The following BACH1 variants were observed in gnomAD, a reference collection of about 807,000 sequenced individuals.
BACH1 encodes BTB domain and CNC homolog 1.
Under a neutral mutation model 52.9 loss-of-function variants are expected in BACH1, and 35 were observed. The observed-to-expected ratio is 0.66, with a 90% confidence interval of 0.51 to 0.88. The LOEUF (loss-of-function observed/expected upper bound fraction) is 0.88, where lower values mean the gene tolerates loss of function less well. BACH1 is among the 40% of genes least tolerant of loss of function. The pLI, the probability that BACH1 is intolerant of heterozygous loss-of-function variation, is 0.00. For missense variants in BACH1, 808 were observed against 872.6 expected (o/e 0.93, Z 0.93); for synonymous variants, 321 against 319.6 (o/e 1.00, Z -0.05).
chr21:29,314,712 C>T (rs2088766619), intron 1 of BACH1, among the ~76,000 whole-genome samples: 1 of 152,142 alleles, frequency 6.6e-6, no homozygotes, highest in South Asian at 2.1e-4. Flanking sequence ...GTAAGCTCCT[C>T]TGCTACTTAC....
chr21:29,317,049 TCCA>T (rs1331971766), intron 1 of BACH1, among the ~76,000 whole-genome samples: 2 of 152,224 alleles, frequency 1.3e-5, no homozygotes, highest in South Asian at 2.1e-4. Context: ...CTGCTTGAGC[TCCA>T]CCTCCTGTCA....
In BACH1 at chr21:29,326,988, T is replaced by C; in HGVS notation, c.1164T>C (p.Ser388=). Residue 388 remains serine (S), a synonymous_variant, in exon 3 of 5, where the codon AGT becomes AGC. Transcript: ENST00000286800. Reference sequence around the variant, plus strand: ...GTGTTGCATCTAGTGATAGGAGTAGTGTGGAGCGAGAAGTGGCAGAACACC... The same window carrying C: ...GTGTTGCATCTAGTGATAGGAGTAGCGTGGAGCGAGAAGTGGCAGAACACC... ...DSSVASSDRS[S]VEREVAEHLA... 1 of 1,614,142 alleles carries C rather than the reference T, an allele frequency of 6.2e-7. No individual in the cohort carries two copies. The highest frequency in any genetic ancestry group is 8.5e-7 in the Non-Finnish European group (1 of 1,180,030).
At chr21:29,338,428 C>A (rs1001364738) in intron 4 of BACH1, among the ~76,000 whole-genome samples, 1 of 152,110 alleles carries the variant, frequency 6.6e-6, no homozygotes, top group Admixed American at 6.5e-5. Context: ...GGCTAGAGTG[C>A]AGTGGCACAG....
At chr21:29,317,670 G>A (rs1027394017) in intron 1 of BACH1, among the ~76,000 whole-genome samples, 2 of 152,214 alleles carry the variant, frequency 1.3e-5, no homozygotes, top group Non-Finnish European at 2.9e-5. Flanking sequence ...GGAAGATGAC[G>A]TAGGGTTTTT....
intron 1 of BACH1, among the ~76,000 whole-genome samples, chr21:29,300,363 CA>C (rs1377087174): frequency 6.6e-6 from 1 of 152,168 alleles, no homozygotes; most frequent in Non-Finnish European, 1.5e-5. Context: ...ACAGCTGGTG[CA>C]AATACTCTCA....
intron 2 of BACH1, chr21:29,359,147 T>A (rs907037237): frequency 6.6e-6 from 1 of 152,074 alleles, no homozygotes; most frequent in Non-Finnish European, 1.5e-5. Flanking sequence ...GTAAATAATT[T>A]TGAATAGACC....
intron 3 of BACH1, 133 bp from the exon 4 acceptor site, chr21:29,329,354 G>A: frequency 4.7e-6 from 3 of 644,686 alleles, no homozygotes; most frequent in South Asian, 3.0e-5. Context: ...TATAGAAATT[G>A]GGATAGAGGC....
chr21:29,313,887 G>C (rs867514430), intron 1 of BACH1, among the ~76,000 whole-genome samples: 4 of 152,162 alleles, frequency 2.6e-5, no homozygotes, highest in Admixed American at 1.3e-4. Context: ...GTCTTGGTTG[G>C]GGGGGGTGGT....
At chr21:29,331,819 T>G (rs957320693) in intron 4 of BACH1, among the ~76,000 whole-genome samples, 60 of 152,244 alleles carry the variant, frequency 3.9e-4, no homozygotes, top group African/African-American at 1.4e-3. Flanking sequence ...GAACAATGCC[T>G]GGCACGTAGT....
At chr21:29,360,351 A>C (rs1207975741) in intron 2 of BACH1, among the ~76,000 whole-genome samples, 2 of 152,238 alleles carry the variant, frequency 1.3e-5, no homozygotes, top group African/African-American at 4.8e-5. Flanking sequence ...CATCAGGCAG[A>C]TATCTAAAAG....
intron 2 of BACH1, among the ~76,000 whole-genome samples, chr21:29,358,363 A>G (rs1475039051): frequency 2.6e-5 from 4 of 152,256 alleles, no homozygotes; most frequent in African/African-American, 9.6e-5. Flanking sequence ...GGAGCACTCA[A>G]TAACCAGGAA....
chr21:29,358,755 AAAAGAAAAGAAAAGAAAAG>A lies in BACH1; in HGVS notation c.472+29070_472+29088del, dbSNP rs1181193848. The stretch of plus-strand genomic sequence containing the variant: ...ACTCTGTCTCAGAAAAAAAGAAAAG[AAAAGAAAAGAAAAGAAAAG>A]AAAGAAAGAAAGAAAGAAAGAAAGA... On this transcript the variant is annotated intron_variant, in intron 2 of 4. Transcript: ENST00000422809. Among the ~76,000 whole-genome samples, 203 of 110,494 alleles carry A rather than the reference AAAAGAAAAGAAAAGAAAAG, an allele frequency of 1.8e-3. 1 individual carries two copies. Among genetic ancestry groups the A allele is most frequent in the African/African-American group, 6.7e-3 (186 of 27,872 alleles). The allele number at this position is 110,494 out of a possible 152,430, so 72.5% of individuals were successfully genotyped here. A position where few individuals can be genotyped will look rare whatever the true frequency, so the allele number is the denominator to read the frequency against.
At chr21:29,336,544 G>C (rs561521681) in intron 4 of BACH1, among the ~76,000 whole-genome samples, 2 of 152,184 alleles carry the variant, frequency 1.3e-5, no homozygotes, top group African/African-American at 4.8e-5. Flanking sequence ...ATATGTTGAT[G>C]ACCTTCACTG....
chr21:29,327,816 C>G (rs536328998), intron 3 of BACH1, among the ~76,000 whole-genome samples: 1 of 152,166 alleles, frequency 6.6e-6, no homozygotes, highest in African/African-American at 2.4e-5. Context: ...GCAAGACTGT[C>G]TCAAAAAATT....
intron 4 of BACH1, among the ~76,000 whole-genome samples, chr21:29,331,691 G>T (rs2088984642): frequency 6.6e-6 from 1 of 152,016 alleles, no homozygotes; most frequent in African/African-American, 2.4e-5. Context: ...CTTTGGGCAG[G>T]TTAATTTCTC....
downstream of BACH1, among the ~76,000 whole-genome samples, chr21:29,348,251 C>T (rs1375953166): frequency 6.6e-6 from 1 of 152,148 alleles, no homozygotes; most frequent in African/African-American, 2.4e-5. Context: ...TACCGTGCTC[C>T]AGAAGGAACT....
chr21:29,349,278 T>A (rs565389131), downstream of BACH1, among the ~76,000 whole-genome samples: 19 of 152,206 alleles, frequency 1.2e-4, no homozygotes, highest in East Asian at 3.7e-3. Context: ...AGCTAGAACC[T>A]TACAAGCACT....
chr21:29,299,083 G>T (rs1471734892), intron 1 of BACH1, 130 bp downstream of exon 1: 1 of 152,112 alleles, frequency 6.6e-6, no homozygotes, highest in African/African-American at 2.4e-5. Context: ...GCTCTTTCTG[G>T]GCTGGGCGGG....
At chr21:29,309,949 G>T (rs1025442053) in intron 1 of BACH1, among the ~76,000 whole-genome samples, 5 of 152,136 alleles carry the variant, frequency 3.3e-5, no homozygotes, top group Non-Finnish European at 5.9e-5. Context: ...ATTTGCCCTT[G>T]TTCACATGGC....
Sources: gnomAD v4.1 joint callset for allele counts (sites outside exome capture counted in the v4.1 genomes callset) on GRCh38, gnomAD v4.1.1 for gene constraint, MANE v1.5 for transcripts, NCBI Gene and HGNC (gene_info 2026-07-23, HGNC 2026-07-21) for gene names.